PRDM5: variants seen among roughly 807,000 people sequenced by gnomAD.
PRDM5 encodes the protein PR/SET domain 5.
In PRDM5, 56 loss-of-function variants were observed where a neutral mutation model predicts 81.2. That is an observed-to-expected ratio of 0.69 (90% CI 0.56 to 0.86). The LOEUF is 0.86. Ranked by LOEUF, PRDM5 falls within the 40% of genes least tolerant of loss-of-function variation. The pLI, the probability that PRDM5 is intolerant of heterozygous loss-of-function variation, is 0.00. For missense variants in PRDM5, 697 were observed against 770.1 expected (o/e 0.91, Z 1.12); for synonymous variants, 267 against 256.4 (o/e 1.04, Z -0.39).
At chr4:120,727,471 CT>C (rs1276211250) in intron 14 of PRDM5, among the ~76,000 whole-genome samples, 26 of 152,292 alleles carry the variant, frequency 1.7e-4, no homozygotes, top group African/African-American at 6.3e-4. Context: ...ACGATCCAGT[CT>C]GTGTCTGGCA....
chr4:120,781,245 T>A lies in PRDM5; in HGVS notation c.1341A>T (p.Leu447Phe). 1 of 1,613,106 alleles carries A rather than the reference T, an allele frequency of 6.2e-7. No individual in the cohort carries two copies. Among genetic ancestry groups the A allele is most frequent in the Non-Finnish European group, 8.5e-7 (1 of 1,179,256 alleles). ...CATGAACCACCTGGACATGAACATT[T>A]AATGTATCCTTCCTCTTAAAGGTAG... ...CDATFKRKDT[L>F]NVHVQVVHER... Residue 447 changes from leucine (L) to phenylalanine (F), a missense_variant, in exon 12 of 16, where the codon TTA becomes TTT. Physicochemically the swap from Leu to Phe is conservative, Grantham distance 22 (BLOSUM62 0). This residue lies in a region of PRDM5 where 577 missense variants were observed against 606.7 expected (regional missense o/e 0.95). Transcript: ENST00000264808.
chr4:120,922,535 G>T lies in PRDM5; in HGVS notation c.74C>A (p.Thr25Lys), dbSNP rs775875300. 6.2e-7 allele frequency: 1 copy of T among 1,609,486 alleles called. No individual in the cohort carries two copies. The part of the protein sequence containing the change: ...SRVQDGMGLY[T>K]ARRVRKGEKF... ...ACCCACCTTTCGCACTCTGCGGGCC[G>T]TGTAGAGCCCCATGCCGTCCTGAAC... The change falls in exon 1 of 16, where the codon ACG becomes AAG. Residue 25 changes from threonine to lysine, a missense_variant. By Grantham distance (78) the Thr-to-Lys change is moderately conservative (BLOSUM62 -1). Around this residue, in one of 3 missense-constraint regions of PRDM5, gnomAD observed 577 missense variants for 606.7 expected, o/e 0.95. Transcript: ENST00000264808.
intron 11 of PRDM5, among the ~76,000 whole-genome samples, chr4:120,782,613 T>C (rs752384014): frequency 6.6e-6 from 1 of 152,162 alleles, no homozygotes. Flanking sequence ...GCATGAACTA[T>C]GTGGATTCTG....
chr4:120,802,252 A>C (rs189081203), intron 8 of PRDM5, among the ~76,000 whole-genome samples: 23 of 152,326 alleles, frequency 1.5e-4, no homozygotes, highest in African/African-American at 4.6e-4. Flanking sequence ...AAAATTCCTT[A>C]AAATGCTTAA....
chr4:120,826,278 C>T (rs1186058619), intron 3 of PRDM5, among the ~76,000 whole-genome samples: 1 of 152,160 alleles, frequency 6.6e-6, no homozygotes, highest in Non-Finnish European at 1.5e-5. Context: ...AGTACAACTG[C>T]AAAGATGCCA....
At chr4:120,703,926 T>A (rs534979381) in intron 15 of PRDM5, among the ~76,000 whole-genome samples, 3 of 142,086 alleles carry the variant, frequency 2.1e-5, no homozygotes, top group East Asian at 2.0e-4. Flanking sequence ...CCATTAAAAA[T>A]ATATATAAAA....
Position 120,710,285 on chromosome 4 carries a change from T to C in PRDM5, c.1728+24A>G, listed in dbSNP as rs749175733. On this transcript the variant is annotated intron_variant, in intron 15 of 15. Transcript: ENST00000264808. ...TACTTTCTGTTATTGGAAGACACTATGGGGGAAAAAAATCCAAACTCACAT... is the reference window on the plus strand; with the variant it reads ...TACTTTCTGTTATTGGAAGACACTACGGGGGAAAAAAATCCAAACTCACAT... 5.0e-6 allele frequency: 8 copies of C among 1,594,392 alleles called. No individual in the cohort carries two copies. In the African/African-American group the frequency reaches 8.1e-5, roughly 16 times the overall value.
chr4:120,800,705 T>C (rs1041961566), intron 8 of PRDM5, among the ~76,000 whole-genome samples: 3 of 152,144 alleles, frequency 2.0e-5, no homozygotes, highest in Non-Finnish European at 4.4e-5. Flanking sequence ...AGATTATAGT[T>C]GCTCTTGCCA....
rs56748639 is a variant in PRDM5, at chr4:120,785,882, A to G, written c.1189-791T>C. 8.7e-3 allele frequency among the ~76,000 whole-genome samples: 1,328 copies of G among 152,220 alleles called. 22 individuals are homozygous for G. Among genetic ancestry groups the G allele is most frequent in the African/African-American group, 0.03 (1,256 of 41,556 alleles). ...AACAAGAAACAATGAAAAGCCACTA[A>G]CTAGATCTAAAATTCAAAAACAAAA... On this transcript the variant is annotated intron_variant, in intron 10 of 15. Transcript: ENST00000264808.
intron 5 of PRDM5, 109 bp downstream of exon 5, chr4:120,818,244 G>T (rs890984959): frequency 8.7e-7 from 1 of 1,147,706 alleles, no homozygotes; most frequent in Non-Finnish European, 1.3e-6. Context: ...CAAAACATGC[G>T]CGTGCGCGCG....
intron 1 of PRDM5, among the ~76,000 whole-genome samples, chr4:120,914,823 T>C (rs536525745): frequency 3.3e-4 from 50 of 152,210 alleles, no homozygotes; most frequent in African/African-American, 1.1e-3. Flanking sequence ...TATTCAGCCA[T>C]AAAAAATAAC....
chr4:120,757,525 A>G (rs1045894141), intron 13 of PRDM5, among the ~76,000 whole-genome samples: 1 of 144,366 alleles, frequency 6.9e-6, no homozygotes, highest in African/African-American at 2.4e-5. Context: ...GTAGCTGGTA[A>G]AACATTATTT....
intron 2 of PRDM5, among the ~76,000 whole-genome samples, chr4:120,905,706 C>T (rs560443148): frequency 6.6e-6 from 1 of 152,234 alleles, no homozygotes; most frequent in Admixed American, 6.5e-5. Flanking sequence ...TATATACTAT[C>T]TCCTTGGTTC....
At chr4:120,860,602 T>A (rs143678697) in intron 2 of PRDM5, among the ~76,000 whole-genome samples, 251 of 152,100 alleles carry the variant, frequency 1.7e-3, no homozygotes, top group African/African-American at 5.8e-3. Context: ...GTGACCACTT[T>A]CTCCCTTCTT....
At chr4:120,882,003 A>T (rs1579098542) in intron 2 of PRDM5, among the ~76,000 whole-genome samples, 1 of 152,236 alleles carries the variant, frequency 6.6e-6, no homozygotes, top group Non-Finnish European at 1.5e-5. Flanking sequence ...AAAAATATTT[A>T]TTGTGGGCCT....
intron 14 of PRDM5, among the ~76,000 whole-genome samples, chr4:120,736,699 T>C (rs151206617): frequency 2.6e-5 from 4 of 152,276 alleles, no homozygotes; most frequent in African/African-American, 7.2e-5. Flanking sequence ...TATTCGATCA[T>C]GTATCCCTAA....
chr4:120,711,447 T>C (rs1736965287), intron 14 of PRDM5, among the ~76,000 whole-genome samples: 1 of 146,452 alleles, frequency 6.8e-6, no homozygotes, highest in Non-Finnish European at 1.5e-5. Flanking sequence ...TACAGGCACC[T>C]GCTGCCATAC....
At chr4:120,909,898 GA>G (rs1261252625) in intron 1 of PRDM5, among the ~76,000 whole-genome samples, 1 of 152,038 alleles carries the variant, frequency 6.6e-6, no homozygotes, top group East Asian at 1.9e-4. Context: ...TTAGCTTTAA[GA>G]AATGTATTTT....
intron 3 of PRDM5, among the ~76,000 whole-genome samples, chr4:120,830,045 C>G (rs1756517877): frequency 6.6e-6 from 1 of 152,064 alleles, no homozygotes; most frequent in African/African-American, 2.4e-5. Flanking sequence ...CTATAGCACT[C>G]AACATACAAA....
Sources: allele counts gnomAD v4.1 joint callset (sites outside exome capture counted in the v4.1 genomes callset), GRCh38; gene constraint gnomAD v4.1.1; regional missense constraint gnomAD v4.1.1; transcripts MANE v1.5; gene names NCBI Gene and HGNC (gene_info 2026-07-23, HGNC 2026-07-21).